SLC38A9: variants seen among roughly 807,000 people sequenced by gnomAD.
SLC38A9 encodes the protein neutral amino acid transporter 9.
Under a neutral mutation model 62.3 loss-of-function variants are expected in SLC38A9, and 48 were observed. The ratio of observed to expected loss-of-function variants is 0.77; its 90% CI spans 0.61 to 0.98. SLC38A9 has a LOEUF of 0.98. SLC38A9 is among the 50% of genes least tolerant of loss of function. The pLI is 0.00. For synonymous variants in SLC38A9, 204 were observed against 227.7 expected (o/e 0.90, Z 0.94); for missense variants, 541 against 679.8 (o/e 0.80, Z 2.27).
At chr5:55,697,654 G>GAA (rs3042033) in intron 3 of SLC38A9, among the ~76,000 whole-genome samples, 192 bp downstream of exon 3, 5,136 of 131,030 alleles carry the variant, frequency 0.039, 148 homozygotes, top group African/African-American at 0.089. Flanking sequence ...TGAGTTTAGT[G>GAA]AAAAAAAAAA....
At chr5:55,672,733 C>T in intron 3 of SLC38A9, 38 bp from the exon 4 acceptor site, 2 of 1,584,562 alleles carry the variant, frequency 1.3e-6, no homozygotes, top group Non-Finnish European at 1.7e-6. Flanking sequence ...AAGTGTTCAG[C>T]CAAAAATTCT....
At chr5:55,690,220 G>A (rs1270527718) in intron 3 of SLC38A9, among the ~76,000 whole-genome samples, 7 of 152,018 alleles carry the variant, frequency 4.6e-5, no homozygotes, top group African/African-American at 7.2e-5. Context: ...TCAAACTCCC[G>A]GCCTCAAGCA....
At chr5:55,663,588 C>G (rs1749990024) in intron 8 of SLC38A9, among the ~76,000 whole-genome samples, 1 of 151,866 alleles carries the variant, frequency 6.6e-6, no homozygotes, top group Non-Finnish European at 1.5e-5. Context: ...CAAAAATTAG[C>G]TGAGTGTTAC....
intron 8 of SLC38A9, among the ~76,000 whole-genome samples, chr5:55,660,056 A>C (rs760126400): frequency 2.0e-5 from 3 of 149,234 alleles, no homozygotes; most frequent in Non-Finnish European, 4.5e-5. Flanking sequence ...ATGAGCCACC[A>C]CGCCCGGCTA....
intron 3 of SLC38A9, chr5:55,695,945 G>C: frequency 2.3e-5 from 2 of 86,614 alleles, no homozygotes; most frequent in African/African-American, 3.5e-5. Flanking sequence ...CGGGCAGAGG[G>C]GCTCCTCACT....
intron 2 of SLC38A9, among the ~76,000 whole-genome samples, chr5:55,703,692 A>C (rs1756936733): frequency 2.0e-5 from 3 of 152,198 alleles, no homozygotes; most frequent in Admixed American, 2.0e-4. Context: ...CTTAAGTTTT[A>C]AAACTAAAAG....
chr5:55,635,591 A>C lies in SLC38A9; in HGVS notation c.1234T>G (p.Phe412Val). 6.2e-7 allele frequency: 1 copy of C among 1,613,942 alleles called. No individual in the cohort carries two copies. Among genetic ancestry groups the C allele is most frequent in the Non-Finnish European group, 8.5e-7 (1 of 1,179,874 alleles). ...LTYLYIGVLVFASFPSPPLSK... is the reference protein window; with the variant it reads ...LTYLYIGVLVVASFPSPPLSK... ...AATGGTGGTGAAGGAAATGAAGCAA[A>C]AACCAGGACTCCAATATAGAGATAA... Residue 412 changes from phenylalanine to valine, a missense_variant, in exon 13 of 16, where the codon TTT (phenylalanine) becomes GTT (valine). Phe to Val is a conservative substitution (Grantham distance 50). Coordinates refer to ENST00000396865, the MANE Select transcript of SLC38A9 (RefSeq NM_173514.4).
At chr5:55,654,972 G>A (rs1346268125) in intron 9 of SLC38A9, among the ~76,000 whole-genome samples, 12 of 151,996 alleles carry the variant, frequency 7.9e-5, no homozygotes, top group African/African-American at 2.4e-4. Flanking sequence ...CGAGTAGCTC[G>A]GACTACAGGT....
intron 11 of SLC38A9, among the ~76,000 whole-genome samples, chr5:55,648,931 A>G (rs6884752): frequency 0.018 from 2,796 of 152,286 alleles, 87 homozygotes; most frequent in African/African-American, 0.065. Context: ...CACATTATAT[A>G]CCCATAAGAA....
chr5:55,708,498 T>A (rs1757585458), intron 2 of SLC38A9, among the ~76,000 whole-genome samples: 1 of 152,240 alleles, frequency 6.6e-6, no homozygotes, highest in African/African-American at 2.4e-5. Context: ...CAGAAATGTC[T>A]TTTCACAATT....
intron 2 of SLC38A9, among the ~76,000 whole-genome samples, chr5:55,707,331 T>C (rs1298804185): frequency 6.6e-6 from 1 of 152,220 alleles, no homozygotes; most frequent in Non-Finnish European, 1.5e-5. Flanking sequence ...TTAACAAAAA[T>C]GCTAAATACT....
chr5:55,654,764 C>A (rs1358791225), intron 9 of SLC38A9, among the ~76,000 whole-genome samples: 1 of 152,096 alleles, frequency 6.6e-6, no homozygotes, highest in Non-Finnish European at 1.5e-5. Context: ...CAGTATCTAC[C>A]ATTTAAGGTT....
chr5:55,626,449 G>C lies in SLC38A9; in HGVS notation c.*45C>G. 6.6e-7 allele frequency: 1 copy of C among 1,506,292 alleles called. No homozygotes were observed. Among genetic ancestry groups the C allele is most frequent in the Non-Finnish European group, 9.1e-7 (1 of 1,097,916 alleles). 93.3% of individuals were successfully genotyped at this position (1,506,292 alleles called of 1,614,324 possible). A position where few individuals can be genotyped will look rare whatever the true frequency, so the allele number is the denominator to read the frequency against. Reference sequence around the variant, plus strand: ...GAATTTATATAGAACTGTTGTCAAGGCTCAAAATATCATGAGAGCTCTTGA... The same window carrying C: ...GAATTTATATAGAACTGTTGTCAAGCCTCAAAATATCATGAGAGCTCTTGA... On this transcript the variant is annotated 3_prime_UTR_variant, in exon 16 of 16. Coordinates refer to ENST00000396865, the MANE Select transcript of SLC38A9 (RefSeq NM_173514.4).
intron 3 of SLC38A9, among the ~76,000 whole-genome samples, chr5:55,678,942 G>A (rs1752622619): frequency 6.6e-6 from 1 of 152,072 alleles, no homozygotes; most frequent in African/African-American, 2.4e-5. Context: ...TTACAGGCAT[G>A]AGCCACTGTG....
intron 10 of SLC38A9, among the ~76,000 whole-genome samples, chr5:55,652,084 C>T (rs1449172918): frequency 1.3e-5 from 2 of 150,866 alleles, no homozygotes; most frequent in African/African-American, 2.4e-5. Context: ...AATTGCCGGG[C>T]GTGCTGGCTC....
intron 11 of SLC38A9, 49 bp downstream of exon 11, chr5:55,649,158 A>G (rs577256240): frequency 2.9e-6 from 3 of 1,025,108 alleles, no homozygotes; most frequent in Admixed American, 2.9e-5. Flanking sequence ...GCATATGACA[A>G]TGGTTAAGAT....
At chr5:55,679,473 C>T (rs1302875217) in intron 3 of SLC38A9, among the ~76,000 whole-genome samples, 1 of 152,018 alleles carries the variant, frequency 6.6e-6, no homozygotes, top group Non-Finnish European at 1.5e-5. Context: ...CTTTTCAATG[C>T]AATTTATGTT....
At chr5:55,697,713 C>A in intron 3 of SLC38A9, 133 bp downstream of exon 3, 1 of 437,620 alleles carries the variant, frequency 2.3e-6, no homozygotes, top group Non-Finnish European at 3.9e-6. Context: ...TACTTCTCTC[C>A]ACATGTATAC....
At chr5:55,692,699 G>A in intron 3 of SLC38A9, 1 of 984,720 alleles carries the variant, frequency 1.0e-6, no homozygotes, top group Non-Finnish European at 1.2e-6. Context: ...AATTTACAGA[G>A]AACTGTTTGA....
Sources: gnomAD v4.1 joint callset for allele counts (sites outside exome capture counted in the v4.1 genomes callset) on GRCh38, gnomAD v4.1.1 for gene constraint, MANE v1.5 for transcripts, NCBI Gene and HGNC (gene_info 2026-07-23, HGNC 2026-07-21) for gene names.